The following NCKAP5 variants were observed in gnomAD, a reference collection of about 807,000 sequenced individuals.
NCKAP5 encodes nck-associated protein 5.
Under a neutral mutation model 167.0 loss-of-function variants are expected in NCKAP5, and 92 were observed. The ratio of observed to expected loss-of-function variants is 0.55; its 90% CI spans 0.47 to 0.66. NCKAP5 has a LOEUF of 0.66. Among genes scored for constraint, NCKAP5 ranks in the 30% least tolerant of loss-of-function variants. The pLI is 0.00. For synonymous variants in NCKAP5, 891 were observed against 877.4 expected, an observed-to-expected ratio of 1.02 and a Z score of -0.27; for missense variants, 2,378 against 2,315.0, an observed-to-expected ratio of 1.03 and a Z score of -0.56.
intron 19 of NCKAP5, among the ~76,000 whole-genome samples, chr2:132,677,743 T>C (rs1684678000): frequency 6.6e-6 from 1 of 152,078 alleles, no homozygotes; most frequent in Non-Finnish European, 1.5e-5. Flanking sequence ...GAGACGTGCC[T>C]ACCCCAAGAG....
intron 3 of NCKAP5, among the ~76,000 whole-genome samples, chr2:133,319,066 C>A (rs891329989): frequency 1.3e-5 from 2 of 152,056 alleles, no homozygotes; most frequent in African/African-American, 4.8e-5. Flanking sequence ...TGATTCTGAT[C>A]CACTAAACCT....
At chr2:132,709,085 T>C (rs898958589) in intron 19 of NCKAP5, among the ~76,000 whole-genome samples, 1 of 152,156 alleles carries the variant, frequency 6.6e-6, no homozygotes, top group Non-Finnish European at 1.5e-5. Context: ...AACTTTCCTA[T>C]TATTTCTAGT....
At chr2:132,704,442 A>G (rs545416806) in intron 19 of NCKAP5, among the ~76,000 whole-genome samples, 48 of 152,290 alleles carry the variant, frequency 3.2e-4, no homozygotes, top group Admixed American at 2.4e-3. Context: ...GATGATTTCA[A>G]TGCCAACACA....
At chr2:133,633,200 T>C in the NCKAP5 span, among the ~76,000 whole-genome samples, 1 of 152,200 alleles carries the variant, frequency 6.6e-6, no homozygotes, top group Non-Finnish European at 1.5e-5. Flanking sequence ...CTGCCTACTT[T>C]GCAGCCTGAC....
intron 16 of NCKAP5, among the ~76,000 whole-genome samples, chr2:132,744,951 A>C (rs900584297): frequency 6.6e-5 from 10 of 151,870 alleles, no homozygotes; most frequent in Admixed American, 6.6e-4. Context: ...CAATTTAGGC[A>C]ATTGAATTTG....
At chr2:132,703,551 T>G (rs1023574029) in intron 19 of NCKAP5, among the ~76,000 whole-genome samples, 3 of 152,190 alleles carry the variant, frequency 2.0e-5, no homozygotes, top group Non-Finnish European at 4.4e-5. Flanking sequence ...AATATCATAA[T>G]AAACAATGAG....
intron 7 of NCKAP5, among the ~76,000 whole-genome samples, chr2:132,974,891 A>G (rs1408708268): frequency 6.6e-6 from 1 of 152,238 alleles, no homozygotes; most frequent in African/African-American, 2.4e-5. Context: ...ATACCATAAT[A>G]GGAGCTAAAT....
intron 19 of NCKAP5, among the ~76,000 whole-genome samples, chr2:132,680,110 TA>T (rs766056725): frequency 4.7e-4 from 71 of 152,168 alleles, no homozygotes; most frequent in South Asian, 1.0e-3. Context: ...GTTGTGATAT[TA>T]ACCCTGTTAA....
At chr2:132,821,196 A>T (rs919246975) in intron 11 of NCKAP5, among the ~76,000 whole-genome samples, 1 of 152,180 alleles carries the variant, frequency 6.6e-6, no homozygotes, top group African/African-American at 2.4e-5. Flanking sequence ...ACAGGTGAAA[A>T]ACTGTGAGTT....
intron 7 of NCKAP5, among the ~76,000 whole-genome samples, chr2:132,975,677 G>A (rs1056251716): frequency 1.3e-5 from 2 of 152,060 alleles, no homozygotes; most frequent in Non-Finnish European, 2.9e-5. Context: ...ACGGGTAGTT[G>A]TTTGAGTATA....
rs577973124 is a variant in NCKAP5 at position 133,187,296 on chromosome 2, G to A, written c.207+26420C>T. Among the ~76,000 whole-genome samples the A allele has an allele frequency of 3.9e-5, 6 of 152,082 alleles. No homozygotes were observed. The South Asian group carries it at 1.0e-3, about 26-fold the overall frequency. ...CTTTGTACTGACCAAGAACACTGTTGTACTGTGTTCTGAGAGTGAGCCTGA... is the reference window on the plus strand; with the variant it reads ...CTTTGTACTGACCAAGAACACTGTTATACTGTGTTCTGAGAGTGAGCCTGA... On this transcript the variant is annotated intron_variant, in intron 5 of 19. Transcript: ENST00000409261.
At chr2:133,199,770 T>G (rs1432655445) in intron 5 of NCKAP5, among the ~76,000 whole-genome samples, 1 of 151,944 alleles carries the variant, frequency 6.6e-6, no homozygotes, top group Non-Finnish European at 1.5e-5. Flanking sequence ...CACATGAATG[T>G]TCATAGTAGC....
chr2:132,800,701 ACCCTCCCTGTAAAGT>A (rs1684956464), intron 11 of NCKAP5, among the ~76,000 whole-genome samples: 1 of 151,872 alleles, frequency 6.6e-6, no homozygotes, highest in African/African-American at 2.4e-5. Flanking sequence ...TGACACTGAA[ACCCTCCCTGTAAAGT>A]CATCTATCCT....
At chr2:132,918,149 A>G (rs1238557085) in intron 8 of NCKAP5, among the ~76,000 whole-genome samples, 1 of 152,140 alleles carries the variant, frequency 6.6e-6, no homozygotes, top group Non-Finnish European at 1.5e-5. Flanking sequence ...ATTTCTCCTT[A>G]ATAACTCATC....
chr2:133,448,260 A>T (rs1322695132), intron 3 of NCKAP5, among the ~76,000 whole-genome samples: 2 of 151,946 alleles, frequency 1.3e-5, no homozygotes, highest in Non-Finnish European at 1.5e-5. Flanking sequence ...GAAAAAAAAA[A>T]AAAGAGGGAG....
chr2:133,372,119 G>C (rs1685844485), intron 3 of NCKAP5, among the ~76,000 whole-genome samples: 1 of 152,170 alleles, frequency 6.6e-6, no homozygotes, highest in East Asian at 1.9e-4. Context: ...CAAAGGATGT[G>C]AGATTTGAGT....
intron 6 of NCKAP5, among the ~76,000 whole-genome samples, chr2:133,002,931 G>C (rs889588895): frequency 7.2e-5 from 11 of 152,188 alleles, no homozygotes; most frequent in African/African-American, 2.7e-4. Context: ...AGTAGATACA[G>C]TGAGAAATGC....
At chr2:133,104,029 T>G (rs1290622198) in intron 6 of NCKAP5, among the ~76,000 whole-genome samples, 1 of 152,072 alleles carries the variant, frequency 6.6e-6, no homozygotes, top group Non-Finnish European at 1.5e-5. Flanking sequence ...CACTGTGCCC[T>G]TAAAGAGTCT....
At chr2:132,763,325 C>T (rs1270723222) in intron 16 of NCKAP5, among the ~76,000 whole-genome samples, 1 of 152,168 alleles carries the variant, frequency 6.6e-6, no homozygotes, top group Non-Finnish European at 1.5e-5. Context: ...TGTGCTCTAG[C>T]TAAACTGGTC....
Sources: gnomAD v4.1 joint callset for allele counts (sites outside exome capture counted in the v4.1 genomes callset) on GRCh38, gnomAD v4.1.1 for gene constraint, MANE v1.5 for transcripts, NCBI Gene and HGNC (gene_info 2026-07-23, HGNC 2026-07-21) for gene names.